The following TBL1Y variants were observed in gnomAD, a reference collection of about 807,000 sequenced individuals.
The protein encoded by TBL1Y is F-box-like/WD repeat-containing protein TBL1Y.
Under a neutral mutation model 12.0 loss-of-function variants are expected in TBL1Y, and 15 were observed. That is an observed-to-expected ratio of 1.25 (90% confidence interval 0.83 to 1.92). The LOEUF is 1.92. Among genes scored for constraint, TBL1Y ranks in the 40% most tolerant of loss-of-function variants. The pLI is 0.00. For missense variants in TBL1Y, 148 were observed against 116.7 expected (o/e 1.27, Z -1.24); for synonymous variants, 53 against 42.6 (o/e 1.24, Z -0.95).
chrY:7,067,810 C>G (rs1040191056), intron 8 of TBL1Y, among the ~76,000 whole-genome samples: 8 of 33,224 alleles, frequency 2.4e-4, no homozygotes, highest in African/African-American at 9.4e-4. Flanking sequence ...GTTCAGCATT[C>G]CTGGTCACTT....
chrY:6,969,278 G>A, intron 2 of TBL1Y, among the ~76,000 whole-genome samples: 1 of 33,930 alleles, frequency 2.9e-5, no homozygotes, highest in Non-Finnish European at 7.3e-5. Context: ...AGTGGGTAGA[G>A]GCAGTGACAG....
At chrY:6,912,669 G>A in intron 2 of TBL1Y, among the ~76,000 whole-genome samples, 1 of 32,137 alleles carries the variant, frequency 3.1e-5, no homozygotes, top group Non-Finnish European at 7.6e-5. Context: ...CGTCTTTACT[G>A]AAAATACAAA....
intron 10 of TBL1Y, 37 bp from the exon 11 acceptor site, chrY:7,071,523 C>T (rs2013032247): frequency 2.7e-6 from 1 of 377,198 alleles, no homozygotes; most frequent in East Asian, 9.4e-5. Flanking sequence ...CACTCCTAAG[C>T]TGTTTTTCTG....
At chrY:7,081,699 G>A (rs769642276) in intron 14 of TBL1Y, among the ~76,000 whole-genome samples, 2 of 32,739 alleles carry the variant, frequency 6.1e-5, no homozygotes, top group African/African-American at 2.4e-4. Flanking sequence ...GGTGTCTCAC[G>A]TGGCCAAAGT....
At chrY:7,013,494 C>T (rs1023325732) in intron 4 of TBL1Y, among the ~76,000 whole-genome samples, 11 of 34,609 alleles carry the variant, frequency 3.2e-4, no homozygotes, top group South Asian at 1.3e-3. Context: ...TTTGCCATTG[C>T]TCCATACATG....
At chrY:7,008,249 T>A in intron 4 of TBL1Y, among the ~76,000 whole-genome samples, 1 of 33,229 alleles carries the variant, frequency 3.0e-5, no homozygotes, top group Non-Finnish European at 7.4e-5. Flanking sequence ...ATAGGTCATG[T>A]GGTATAACAG....
At chrY:6,997,881 G>A in intron 4 of TBL1Y, among the ~76,000 whole-genome samples, 1 of 34,152 alleles carries the variant, frequency 2.9e-5, no homozygotes, top group Admixed American at 2.7e-4. Flanking sequence ...AACTCAGCAG[G>A]TGAAAACTAC....
At chrY:7,024,562 C>T (rs2012612263) in intron 5 of TBL1Y, among the ~76,000 whole-genome samples, 1 of 33,138 alleles carries the variant, frequency 3.0e-5, no homozygotes, top group Non-Finnish European at 7.4e-5. Flanking sequence ...AGTTTGTGTT[C>T]GTATCCTTCA....
At chrY:6,942,028 G>A (rs749246610) in intron 2 of TBL1Y, among the ~76,000 whole-genome samples, 77 of 32,554 alleles carry the variant, frequency 2.4e-3, no homozygotes, top group Middle Eastern at 0.028. Context: ...GGTGGTGTGC[G>A]CCTGTAATCT....
chrY:6,994,526 T>G (rs2012397371), intron 3 of TBL1Y, among the ~76,000 whole-genome samples: 1 of 33,550 alleles, frequency 3.0e-5, no homozygotes, highest in Non-Finnish European at 7.3e-5. Flanking sequence ...CTCACCACCT[T>G]TTTTTAGAAT....
chrY:7,046,583 T>C, intron 7 of TBL1Y, among the ~76,000 whole-genome samples: 1 of 33,841 alleles, frequency 3.0e-5, no homozygotes, highest in Non-Finnish European at 7.3e-5. Flanking sequence ...TTTTAGTCAT[T>C]GGTGTTTTAC....
chrY:6,985,067 T>C, intron 3 of TBL1Y, among the ~76,000 whole-genome samples: 1 of 34,212 alleles, frequency 2.9e-5, no homozygotes, highest in Non-Finnish European at 7.3e-5. Flanking sequence ...CTGACATCAC[T>C]GTAGGGTTTG....
At chrY:6,965,081 G>A in intron 2 of TBL1Y, among the ~76,000 whole-genome samples, 1 of 32,048 alleles carries the variant, frequency 3.1e-5, no homozygotes, top group Non-Finnish European at 7.6e-5. Context: ...ATAAGCTGCC[G>A]GTGGTTGGGT....
intron 1 of TBL1Y, among the ~76,000 whole-genome samples, chrY:6,911,611 AC>A (rs2011694478): frequency 1.6e-4 from 5 of 31,823 alleles, no homozygotes; most frequent in Non-Finnish European, 2.3e-4. Flanking sequence ...TCTGGGGGCA[AC>A]CCCCCCCGCG....
intron 12 of TBL1Y, among the ~76,000 whole-genome samples, chrY:7,072,136 G>A: frequency 1.5e-4 from 5 of 33,413 alleles, no homozygotes; most frequent in African/African-American, 5.9e-4. Context: ...CTAGGCTCAA[G>A]TGACTTTTCT....
intron 2 of TBL1Y, among the ~76,000 whole-genome samples, chrY:6,941,516 A>G: frequency 3.0e-5 from 1 of 33,361 alleles, no homozygotes; most frequent in Non-Finnish European, 7.4e-5. Flanking sequence ...GGGAAACTCC[A>G]TTTCAAAAAA....
intron 3 of TBL1Y, among the ~76,000 whole-genome samples, chrY:6,992,177 G>T (rs1603035167): frequency 5.9e-5 from 2 of 33,752 alleles, no homozygotes; most frequent in Admixed American, 5.3e-4. Flanking sequence ...CCATAACAAA[G>T]TTCCTCTAAG....
intron 7 of TBL1Y, among the ~76,000 whole-genome samples, chrY:7,055,943 C>T (rs2012822415): frequency 3.0e-5 from 1 of 33,467 alleles, no homozygotes; most frequent in Non-Finnish European, 7.4e-5. Flanking sequence ...TTCAATTCTT[C>T]CTTGTTTCTG....
At chrY:6,958,601 A>C in intron 2 of TBL1Y, among the ~76,000 whole-genome samples, 1 of 32,975 alleles carries the variant, frequency 3.0e-5, no homozygotes, top group Non-Finnish European at 7.5e-5. Flanking sequence ...TCATTATTTC[A>C]GTAAAAAGGA....
Sources: gnomAD v4.1 joint callset for allele counts (sites outside exome capture counted in the v4.1 genomes callset) on GRCh38, gnomAD v4.1.1 for gene constraint, MANE v1.5 for transcripts, NCBI Gene and HGNC (gene_info 2026-07-23, HGNC 2026-07-21) for gene names.